Variants in IL6ST observed in about 807,000 individuals in gnomAD.
The protein encoded by IL6ST is interleukin-6 receptor subunit beta.
A neutral mutation model predicts 91.3 loss-of-function variants in IL6ST; 24 were observed. The ratio of observed to expected loss-of-function variants is 0.26; its 90% CI spans 0.19 to 0.37. IL6ST has a LOEUF of 0.37. Ranked by LOEUF, IL6ST falls within the 10% of genes least tolerant of loss-of-function variation. The pLI, the probability that IL6ST is intolerant of heterozygous loss-of-function variation, is 1.00. For missense variants in IL6ST, 914 were observed against 1,078.5 expected (o/e 0.85, Z 2.14); for synonymous variants, 351 against 373.6 (o/e 0.94, Z 0.70).
At chr5:55,951,357 T>A in intron 14 of IL6ST, 107 bp downstream of exon 14, 1 of 836,124 alleles carries the variant, frequency 1.2e-6, no homozygotes. Flanking sequence ...ATAAAAATCA[T>A]CATGAATCCA....
intron 7 of IL6ST, among the ~76,000 whole-genome samples, chr5:55,962,730 AC>A (rs962186538): frequency 6.6e-6 from 1 of 152,142 alleles, no homozygotes; most frequent in Non-Finnish European, 1.5e-5. Context: ...ACCAATCCCT[AC>A]ACTAGCTACC....
At position 55,935,586 on chromosome 5, in the gene IL6ST, T is replaced by G. The variant is rs1285324604; in HGVS notation, c.*5496A>C. The G allele has an allele frequency of 4.6e-6, 1 of 218,546 alleles. No individual in the cohort carries two copies. Among genetic ancestry groups the G allele is most frequent in the African/African-American group, 2.3e-5 (1 of 44,444 alleles). 13.5% of individuals were successfully genotyped at this position (218,546 alleles called of 1,614,324 possible). A position where few individuals can be genotyped will look rare whatever the true frequency, so the allele number is the denominator to read the frequency against. On this transcript the variant is annotated 3_prime_UTR_variant, in exon 17 of 17. Coordinates refer to ENST00000381298, the MANE Select transcript of IL6ST (RefSeq NM_002184.4). ...TCAAGCTGTTCACCCTGCTTTCGAG[T>G]TGGCTGAGCTTCCTGCTGCTTTCAC...
At chr5:55,970,344 C>T (rs147483900) in intron 3 of IL6ST, among the ~76,000 whole-genome samples, 33 of 152,244 alleles carry the variant, frequency 2.2e-4, no homozygotes, top group African/African-American at 7.7e-4. Flanking sequence ...GGGACCAATA[C>T]AAAACAGGAA....
At chr5:55,945,603 A>G (rs983886706) in intron 15 of IL6ST, among the ~76,000 whole-genome samples, 40 of 151,598 alleles carry the variant, frequency 2.6e-4, no homozygotes, top group African/African-American at 8.0e-4. Context: ...GGAACCACAG[A>G]AAAAAAACTG....
intron 16 of IL6ST, 68 bp from the exon 17 acceptor site, chr5:55,941,887 A>G (rs1447167686): frequency 1.5e-6 from 2 of 1,323,474 alleles, no homozygotes; most frequent in African/African-American, 1.5e-5. Flanking sequence ...CATCTCTGAA[A>G]CTTCCCAGTA....
At position 55,936,133 on chromosome 5, in the gene IL6ST, T is replaced by TC. The variant is rs1368907353; in HGVS notation, c.*4948dup. The TC allele has an allele frequency of 1.1e-4, 24 of 227,914 alleles. No individual in the cohort carries two copies. Among genetic ancestry groups the TC allele is most frequent in the African/African-American group, 4.7e-4 (21 of 45,010 alleles). The allele number at this position is 227,914 out of a possible 1,614,324, so 14.1% of individuals were successfully genotyped here. A position where few individuals can be genotyped will look rare whatever the true frequency, so the allele number is the denominator to read the frequency against. ...GAAGGCACATTAATAGTTGAGATTT[T>TC]CTTTTCCTTCCAGGTGGACTTGCTG... is the stretch of plus-strand genomic sequence containing the variant. On this transcript the variant is annotated 3_prime_UTR_variant, in exon 17 of 17. Transcript: ENST00000381298.
Position 55,942,756 on chromosome 5 carries a change from A to T in IL6ST, c.1938-5T>A. The T allele has an allele frequency of 6.4e-7, 1 of 1,566,186 alleles. No individual in the cohort carries two copies. The highest frequency in any genetic ancestry group is 8.8e-7 in the Non-Finnish European group (1 of 1,138,982). ...GGCCAGATGTGTTTTTTAATTCTGA[A>T]GAGAAAAGAAAAATGGCCTATGTAA... On this transcript the variant is annotated splice_polypyrimidine_tract_variant and splice_region_variant and intron_variant, in intron 15 of 16. Coordinates refer to ENST00000381298, the MANE Select transcript of IL6ST (RefSeq NM_002184.4).
At chr5:55,965,178 A>C (rs1752562723) in intron 5 of IL6ST, among the ~76,000 whole-genome samples, 1 of 152,168 alleles carries the variant, frequency 6.6e-6, no homozygotes, top group Non-Finnish European at 1.5e-5. Flanking sequence ...TCTGACTATT[A>C]CACATCCTTC....
In IL6ST at chr5:55,940,944, T is replaced by C. The variant is rs1161790644; in HGVS notation, c.*138A>G. ...GGAATGGAAATAGCTCATGTGAAAC[T>C]TCAGTTCATTTTTGTCCTTAAGGGC... is the stretch of plus-strand genomic sequence containing the variant. On this transcript the variant is annotated 3_prime_UTR_variant, in exon 17 of 17. Coordinates refer to ENST00000381298, the MANE Select transcript of IL6ST (RefSeq NM_002184.4). 2.5e-6 allele frequency: 2 copies of C among 787,164 alleles called. No individual in the cohort carries two copies. Among genetic ancestry groups the C allele is most frequent in the Non-Finnish European group, 4.1e-6 (2 of 492,322 alleles). The allele number at this position is 787,164 out of a possible 1,614,324, so 48.8% of individuals were successfully genotyped here. A position where few individuals can be genotyped will look rare whatever the true frequency, so the allele number is the denominator to read the frequency against.
rs997152259 is a variant in IL6ST, at chr5:55,976,321, T to C, written c.-15-28A>G. 3.0e-6 allele frequency: 4 copies of C among 1,322,574 alleles called. No individual in the cohort carries two copies. The African/African-American group carries it at 4.5e-5, about 15-fold the overall frequency. The allele number at this position is 1,322,574 out of a possible 1,614,324, so 81.9% of individuals were successfully genotyped here. A position where few individuals can be genotyped will look rare whatever the true frequency, so the allele number is the denominator to read the frequency against. On this transcript the variant is annotated intron_variant, in intron 2 of 16. Coordinates refer to ENST00000381298, the MANE Select transcript of IL6ST (RefSeq NM_002184.4). ...GCAACAGACACATGTAATATTACTT[T>C]TAATATTTTTTCTCTTATATACACA...
intron 2 of IL6ST, among the ~76,000 whole-genome samples, chr5:55,979,961 T>A (rs186544582): frequency 2.9e-4 from 44 of 152,302 alleles, no homozygotes; most frequent in Middle Eastern, 3.4e-3. Flanking sequence ...ATGAGGAAGC[T>A]CTATATGTAC....
At chr5:55,965,387 T>C (rs571971557) in intron 5 of IL6ST, among the ~76,000 whole-genome samples, 6 of 152,292 alleles carry the variant, frequency 3.9e-5, no homozygotes, top group East Asian at 1.9e-4. Context: ...TAAAAACCTA[T>C]AGCCCTAATT....
At chr5:55,955,100 T>C in intron 10 of IL6ST, 108 bp from the exon 11 acceptor site, 1 of 764,294 alleles carries the variant, frequency 1.3e-6, no homozygotes. Flanking sequence ...TTGTAGCATA[T>C]ACTTCCTTGC....
At position 55,940,129 on chromosome 5, in the gene IL6ST, G is replaced by GTGTGTATATGTT; in HGVS notation, c.*952_*953insAACATATACACA. 5.7e-6 allele frequency: 1 copy of GTGTGTATATGTT among 176,934 alleles called. No homozygotes were observed. Among genetic ancestry groups the GTGTGTATATGTT allele is most frequent in the African/African-American group, 3.5e-5 (1 of 28,504 alleles). 11.0% of individuals were successfully genotyped at this position (176,934 alleles called of 1,614,324 possible). A position where few individuals can be genotyped will look rare whatever the true frequency, so the allele number is the denominator to read the frequency against. ...GTCTTAAGAAAAGTCAATGATATGTGTGTGTATATATATATATATATATAC... is the reference window on the plus strand; with the variant it reads ...GTCTTAAGAAAAGTCAATGATATGTGTGTGTATATGTTTGTGTATATATATATATATATATAC... On this transcript the variant is annotated 3_prime_UTR_variant, in exon 17 of 17. Transcript: ENST00000381298.
At chr5:55,952,391 T>TG in intron 11 of IL6ST, 40 bp from the exon 12 acceptor site, 1 of 1,206,598 alleles carries the variant, frequency 8.3e-7, no homozygotes, top group Non-Finnish European at 1.2e-6. Flanking sequence ...TTTTCCATAA[T>TG]GAAAAAGTCA....
chr5:55,977,034 T>C (rs1022548911), intron 2 of IL6ST, among the ~76,000 whole-genome samples: 1 of 152,102 alleles, frequency 6.6e-6, no homozygotes, highest in African/African-American at 2.4e-5. Flanking sequence ...GCTTCATTCA[T>C]AAGTCCCAAA....
At chr5:55,981,263 G>A (rs891347137) in intron 2 of IL6ST, among the ~76,000 whole-genome samples, 1 of 152,122 alleles carries the variant, frequency 6.6e-6, no homozygotes, top group Admixed American at 6.6e-5. Flanking sequence ...TGATTTCATA[G>A]TCCAAATCTA....
Position 55,956,119 on chromosome 5 carries a change from G to A in IL6ST, c.1173C>T (p.Leu391=). ...TVNATKLTVN[L]TNDRYLATLT... ...GGGTTGCTAGATAGCGATCATTTGT[G>A]AGATTTACTGTCAGTTTTGTGGCAT... Residue 391 remains leucine, a synonymous_variant, in exon 10 of 17, where the codon CTC becomes CTT. Transcript: ENST00000381298. 1 of 1,612,188 alleles carries A rather than the reference G, an allele frequency of 6.2e-7. No individual in the cohort carries two copies. Among genetic ancestry groups the A allele is most frequent in the South Asian group, 1.1e-5 (1 of 91,068 alleles).
At chr5:55,951,698 G>T (rs148964955) in intron 13 of IL6ST, 94 bp from the exon 14 acceptor site, 3 of 1,261,756 alleles carry the variant, frequency 2.4e-6, no homozygotes, top group Non-Finnish European at 3.3e-6. Flanking sequence ...AAAAAGAAGC[G>T]AAGTATTTTT....
Sources: allele counts gnomAD v4.1 joint callset (sites outside exome capture counted in the v4.1 genomes callset), GRCh38; gene constraint gnomAD v4.1.1; transcripts MANE v1.5; gene names NCBI Gene and HGNC (gene_info 2026-07-23, HGNC 2026-07-21).